Variants in DDX39A observed in about 807,000 individuals in gnomAD.
DDX39A encodes the protein ATP-dependent RNA helicase DDX39A.
DDX39A carries 13 observed loss-of-function variants against 46.3 expected under a neutral mutation model. The observed-to-expected ratio is 0.28, with a 90% confidence interval of 0.18 to 0.45. The LOEUF is 0.45. DDX39A is among the 20% of genes least tolerant of loss of function. DDX39A has a pLI of 1.00. For missense variants in DDX39A, 352 were observed against 581.8 expected (o/e 0.61, Z 4.06); for synonymous variants, 234 against 224.6 (o/e 1.04, Z -0.38).
At position 14,410,242 on chromosome 19, in the gene DDX39A, G is replaced by C. The variant is rs373303600; in HGVS notation, c.706C>G (p.Pro236Ala). ...FSATLSKDIR[P>A]VCRKFMQDPM... ...TCCTGCATGAACTTCCTGCACACAGGCCGGATGTCCTTGCTCAGGGTGGCG... is the reference window on the plus strand; with the variant it reads ...TCCTGCATGAACTTCCTGCACACAGCCCGGATGTCCTTGCTCAGGGTGGCG... The change falls in exon 6 of 11, where the codon CCT (proline) becomes GCT (alanine). Residue 236 changes from proline (P) to alanine (A), a missense_variant. By Grantham distance (27) the Pro-to-Ala change is conservative (BLOSUM62 -1). Coordinates refer to ENST00000242776, the MANE Select transcript of DDX39A (RefSeq NM_005804.4). The surrounding 1 kb of genome is among the most constrained non-coding windows in gnomAD (Gnocchi z 4.3). 5.7e-5 allele frequency: 92 copies of C among 1,613,966 alleles called. No individual in the cohort carries two copies. Among genetic ancestry groups the C allele is most frequent in the Non-Finnish European group, 7.3e-5 (86 of 1,179,996 alleles).
Position 14,411,467 on chromosome 19 carries a change from C to A in DDX39A, c.429+39G>T. ...GCCGAGGCTAACAAAGCTGCAGAAA[C>A]CAAGTGGCGCCTGGTCCAGTCTGGC... On this transcript the variant is annotated intron_variant, in intron 4 of 10. Transcript: ENST00000242776. This position sits in a 1 kb window ranked among gnomAD's most constrained non-coding sequence, Gnocchi z 4.1. 6.3e-7 allele frequency: 1 copy of A among 1,577,352 alleles called. No individual in the cohort carries two copies. The highest frequency in any genetic ancestry group is 1.1e-5 in the South Asian group (1 of 90,360).
Position 14,410,720 on chromosome 19 carries a change from C to A in DDX39A, c.613+269G>T. 1 of 522,170 alleles carries A rather than the reference C, an allele frequency of 1.9e-6. No homozygotes were observed. Among genetic ancestry groups the A allele is most frequent in the Non-Finnish European group, 3.5e-6 (1 of 288,650 alleles). 32.3% of individuals were successfully genotyped at this position (522,170 alleles called of 1,614,324 possible). A position where few individuals can be genotyped will look rare whatever the true frequency, so the allele number is the denominator to read the frequency against. On this transcript the variant is annotated intron_variant, in intron 5 of 10. Coordinates refer to ENST00000242776, the MANE Select transcript of DDX39A (RefSeq NM_005804.4). This position sits in a 1 kb window ranked among gnomAD's most constrained non-coding sequence, Gnocchi z 4.3. ...GGGCAGGCGGGGCCTGGAACCAACC[C>A]AACAGGTGGCAGAAGCCTCATACTC...
In DDX39A at chr19:14,410,951, C is replaced by CT; in HGVS notation, c.613+37dup. ...GCCTGCTATGGGGCCCGCCTAGTCACTGACTCTCAGCTGGGGCTGCAAGGG... is the reference window on the plus strand; with the variant it reads ...GCCTGCTATGGGGCCCGCCTAGTCACTTGACTCTCAGCTGGGGCTGCAAGGG... On this transcript the variant is annotated intron_variant, in intron 5 of 10. Transcript: ENST00000242776. The surrounding 1 kb of genome is among the most constrained non-coding windows in gnomAD (Gnocchi z 4.3). 1.3e-6 allele frequency: 2 copies of CT among 1,507,236 alleles called. No individual in the cohort carries two copies. Among genetic ancestry groups the CT allele is most frequent in the East Asian group, 2.4e-5 (1 of 41,998 alleles). 93.4% of individuals were successfully genotyped at this position (1,507,236 alleles called of 1,614,324 possible).
rs1445279166 is a variant in DDX39A, at chr19:14,409,769, A to T, written c.837T>A (p.Asp279Glu). Residue 279 changes from aspartate to glutamate, a missense_variant, in exon 7 of 11, where the codon GAT (aspartate) becomes GAA (glutamate). This residue lies in a region of DDX39A where 301 missense variants were observed against 469.9 expected (regional missense o/e 0.64). Coordinates refer to ENST00000242776, the MANE Select transcript of DDX39A (RefSeq NM_005804.4). This position sits in a 1 kb window ranked among gnomAD's most constrained non-coding sequence, Gnocchi z 8.3. ...KDSEKNRKLF[D>E]LLDVLEFNQV... is the part of the protein sequence containing the mutation. ...GGTTAAACTCCAGCACATCCAAGAG[A>T]TCAAAGAGCTTGCGGTTCTTCTCAC... 3.1e-6 allele frequency: 5 copies of T among 1,613,992 alleles called. No homozygotes were observed. The African/African-American group carries it at 5.3e-5, about 17-fold the overall frequency.
At position 14,410,816 on chromosome 19, in the gene DDX39A, G is replaced by A. The variant is rs930170754; in HGVS notation, c.613+173C>T. The A allele has an allele frequency of 3.6e-5, 22 of 619,382 alleles. No homozygotes were observed. The highest frequency in any genetic ancestry group is 7.3e-5 in the South Asian group (3 of 41,238). 38.4% of individuals were successfully genotyped at this position (619,382 alleles called of 1,614,324 possible). On this transcript the variant is annotated intron_variant, in intron 5 of 10. Transcript: ENST00000242776. This position sits in a 1 kb window ranked among gnomAD's most constrained non-coding sequence, Gnocchi z 4.3. Reference sequence around the variant, plus strand: ...TTGCTTGGGCCCCGTGGTCCCATTCGGCTCGGGCTCAGAAACAGCACATCC... The same window carrying A: ...TTGCTTGGGCCCCGTGGTCCCATTCAGCTCGGGCTCAGAAACAGCACATCC...
intron 1 of DDX39A, among the ~76,000 whole-genome samples, chr19:14,418,734 G>C (rs1485920469): frequency 6.6e-6 from 1 of 152,092 alleles, no homozygotes; most frequent in Non-Finnish European, 1.5e-5. Flanking sequence ...AAAGTACTGA[G>C]ATTACAAGAG....
chr19:14,418,120 CAAAAAAAAAAAAA>C (rs60701169), intron 1 of DDX39A, among the ~76,000 whole-genome samples: 2 of 52,350 alleles, frequency 3.8e-5, no homozygotes, highest in African/African-American at 1.3e-4. Context: ...GGCTCTGTCT[CAAAAAAAAAAAAA>C]AAAAAAAAAA....
Position 14,412,892 on chromosome 19 carries a change from G to T in DDX39A, c.208+121C>A, listed in dbSNP as rs1419896642. On this transcript the variant is annotated intron_variant, in intron 2 of 10. Transcript: ENST00000242776. This position sits in a 1 kb window ranked among gnomAD's most constrained non-coding sequence, Gnocchi z 4.4. ...AGGCCCCGCTGGGCACAACTGATCC[G>T]CGGGACAGACGGGCCCCTCCCTCAC... The T allele has an allele frequency of 1.5e-6, 2 of 1,315,202 alleles. No individual in the cohort carries two copies. The highest frequency in any genetic ancestry group is 2.1e-6 in the Non-Finnish European group (2 of 958,804). 81.5% of individuals were successfully genotyped at this position (1,315,202 alleles called of 1,614,324 possible).
chr19:14,418,177 C>T (rs1976895636), intron 1 of DDX39A, among the ~76,000 whole-genome samples: 1 of 148,096 alleles, frequency 6.8e-6, no homozygotes, highest in African/African-American at 2.5e-5. Context: ...TGGGGTGAAC[C>T]GAATCTGCTA....
Position 14,410,113 on chromosome 19 carries a change from G to T in DDX39A, c.732+103C>A. On this transcript the variant is annotated intron_variant, in intron 6 of 10. Transcript: ENST00000242776. This position sits in a 1 kb window ranked among gnomAD's most constrained non-coding sequence, Gnocchi z 4.3. Reference sequence around the variant, plus strand: ...GGAAAGGAGGCTCCGCCGGCTCCCAGCATCCCAGCATCCTCCGTGCCATGT... The same window carrying T: ...GGAAAGGAGGCTCCGCCGGCTCCCATCATCCCAGCATCCTCCGTGCCATGT... The T allele has an allele frequency of 8.5e-7, 1 of 1,169,780 alleles. No homozygotes were observed. Among genetic ancestry groups the T allele is most frequent in the Non-Finnish European group, 1.3e-6 (1 of 787,116 alleles). The allele number at this position is 1,169,780 out of a possible 1,614,324, so 72.5% of individuals were successfully genotyped here. A position where few individuals can be genotyped will look rare whatever the true frequency, so the allele number is the denominator to read the frequency against.
Position 14,409,479 on chromosome 19 carries a change from C to CA in DDX39A, c.975-33dup, listed in dbSNP as rs1461563268. The CA allele has an allele frequency of 6.2e-7, 1 of 1,612,446 alleles. No homozygotes were observed. The highest frequency in any genetic ancestry group is 8.5e-7 in the Non-Finnish European group (1 of 1,179,686). On this transcript the variant is annotated intron_variant, in intron 8 of 10. Transcript: ENST00000242776. This position sits in a 1 kb window ranked among gnomAD's most constrained non-coding sequence, Gnocchi z 8.3. ...TGCAGGAGAAACAAGTGGAGGCCGT[C>CA]AGACACTGGGCTCCTGGTGGTGCTC...
chr19:14,416,900 C>T (rs58174614), intron 1 of DDX39A, among the ~76,000 whole-genome samples: 4 of 152,074 alleles, frequency 2.6e-5, no homozygotes, highest in Non-Finnish European at 5.9e-5. Context: ...CCAGGCTGGT[C>T]GTGAACTCCT....
Position 14,409,964 on chromosome 19 carries a change from C to T in DDX39A, c.733-91G>A, listed in dbSNP as rs760793832. 7 of 1,496,608 alleles carry T rather than the reference C, an allele frequency of 4.7e-6. No individual in the cohort carries two copies. The highest frequency in any genetic ancestry group is 2.3e-5 in the South Asian group (2 of 88,174). The allele number at this position is 1,496,608 out of a possible 1,614,324, so 92.7% of individuals were successfully genotyped here. A position where few individuals can be genotyped will look rare whatever the true frequency, so the allele number is the denominator to read the frequency against. ...CCTTCCAGTGGGCGACTCCTTTGTG[C>T]GACACTTCCCAGAGGACCTGCTGCA... On this transcript the variant is annotated intron_variant, in intron 6 of 10. Transcript: ENST00000242776. The surrounding 1 kb of genome is among the most constrained non-coding windows in gnomAD (Gnocchi z 8.3).
rs142795818 is a variant in DDX39A, at chr19:14,410,683, G to A, written c.613+306C>T. The A allele has an allele frequency of 5.2e-4, 266 of 516,156 alleles. 1 individual carries two copies. Among genetic ancestry groups the A allele is most frequent in the African/African-American group, 4.8e-3 (250 of 52,464 alleles). The allele number at this position is 516,156 out of a possible 1,614,324, so 32.0% of individuals were successfully genotyped here. A position where few individuals can be genotyped will look rare whatever the true frequency, so the allele number is the denominator to read the frequency against. On this transcript the variant is annotated intron_variant, in intron 5 of 10. Transcript: ENST00000242776. This position sits in a 1 kb window ranked among gnomAD's most constrained non-coding sequence, Gnocchi z 4.3. ...AAGCCCATCTCCCACCGGCCCTGTC[G>A]GGGCTCACTGAGGGCAGGCGGGGCC...
Position 14,409,727 on chromosome 19 carries a change from T to C in DDX39A, c.864+15A>G. ...GAAGGTCCTGAGCCCCAGGACAGGC[T>C]GATGGAAGTATCACCTGGTTAAACT... On this transcript the variant is annotated intron_variant, in intron 7 of 10. Transcript: ENST00000242776. This position sits in a 1 kb window ranked among gnomAD's most constrained non-coding sequence, Gnocchi z 8.3. 1.2e-6 allele frequency: 2 copies of C among 1,614,112 alleles called. No individual in the cohort carries two copies. Among genetic ancestry groups the C allele is most frequent in the Non-Finnish European group, 1.7e-6 (2 of 1,179,972 alleles).
At chr19:14,415,406 C>T (rs1976770049) in intron 1 of DDX39A, among the ~76,000 whole-genome samples, 1 of 151,946 alleles carries the variant, frequency 6.6e-6, no homozygotes, top group Non-Finnish European at 1.5e-5. Context: ...CTCAATCAAG[C>T]GATCTTCCCA....
chr19:14,413,789 T>C (rs148264319), intron 1 of DDX39A, among the ~76,000 whole-genome samples: 32 of 152,278 alleles, frequency 2.1e-4, no homozygotes, highest in African/African-American at 7.5e-4. Flanking sequence ...GGGGTGGGGC[T>C]GCCAGGATGC....
chr19:14,410,967 G>C lies in DDX39A; in HGVS notation c.613+22C>G, dbSNP rs1976563393. The C allele has an allele frequency of 1.3e-6, 2 of 1,527,764 alleles. No homozygotes were observed. Among genetic ancestry groups the C allele is most frequent in the Non-Finnish European group, 1.8e-6 (2 of 1,133,740 alleles). 94.6% of individuals were successfully genotyped at this position (1,527,764 alleles called of 1,614,324 possible). On this transcript the variant is annotated intron_variant, in intron 5 of 10. Coordinates refer to ENST00000242776, the MANE Select transcript of DDX39A (RefSeq NM_005804.4). This position sits in a 1 kb window ranked among gnomAD's most constrained non-coding sequence, Gnocchi z 4.3. ...GCCTAGTCACTGACTCTCAGCTGGG[G>C]CTGCAAGGGCAGAGGACTCACCCAG... is the stretch of plus-strand genomic sequence containing the variant.
chr19:14,408,918 G>A lies in DDX39A; in HGVS notation c.*18C>T, dbSNP rs368642237. Reference sequence around the variant, plus strand: ...TGCATGCGGGCGGCTCCGGGTGGGCGGCTCTGGCACGTGGTGGTTACCGGC... The same window carrying A: ...TGCATGCGGGCGGCTCCGGGTGGGCAGCTCTGGCACGTGGTGGTTACCGGC... On this transcript the variant is annotated 3_prime_UTR_variant, in exon 11 of 11. Coordinates refer to ENST00000242776, the MANE Select transcript of DDX39A (RefSeq NM_005804.4). 139 of 1,578,574 alleles carry A rather than the reference G, an allele frequency of 8.8e-5. No homozygotes were observed. In the African/African-American group the frequency reaches 1.1e-3, roughly 13 times the overall value.
Sources: gnomAD v4.1 joint callset for allele counts (sites outside exome capture counted in the v4.1 genomes callset) on GRCh38, gnomAD v4.1.1 for gene constraint, gnomAD v4.1.1 regional missense constraint, Gnocchi (gnomAD v3.1) non-coding constraint, MANE v1.5 for transcripts, NCBI Gene and HGNC (gene_info 2026-07-23, HGNC 2026-07-21) for gene names.